The following PTPRR variants were observed in gnomAD, a reference collection of about 807,000 sequenced individuals.
PTPRR encodes the protein protein tyrosine phosphatase receptor type R, also known as receptor-type tyrosine-protein phosphatase R.
PTPRR carries 38 observed loss-of-function variants against 77.2 expected under a neutral mutation model. The ratio of observed to expected loss-of-function variants is 0.49; its 90% CI spans 0.38 to 0.65. PTPRR has a LOEUF of 0.65. Ranked by LOEUF, PTPRR falls within the 30% of genes least tolerant of loss-of-function variation. PTPRR has a pLI of 0.00. For missense variants in PTPRR, 744 were observed against 799.2 expected, an observed-to-expected ratio of 0.93 and a Z score of 0.83; for synonymous variants, 299 against 283.1, an observed-to-expected ratio of 1.06 and a Z score of -0.57.
intron 2 of PTPRR, among the ~76,000 whole-genome samples, chr12:70,838,214 T>C (rs1472233587): frequency 6.6e-6 from 1 of 152,144 alleles, no homozygotes; most frequent in Non-Finnish European, 1.5e-5. Context: ...TGACAATAAA[T>C]AATGTATTGA....
chr12:70,787,436 A>G (rs1891345796), intron 2 of PTPRR, among the ~76,000 whole-genome samples: 1 of 152,198 alleles, frequency 6.6e-6, no homozygotes, highest in Non-Finnish European at 1.5e-5. Context: ...AGGGCAAGGT[A>G]TTTTAGTGTA....
At chr12:70,837,658 C>T (rs1892327503) in intron 2 of PTPRR, among the ~76,000 whole-genome samples, 1 of 152,046 alleles carries the variant, frequency 6.6e-6, no homozygotes, top group Non-Finnish European at 1.5e-5. Context: ...GGTATGCCAC[C>T]CTCTAGAAAC....
chr12:70,718,931 C>T (rs1399322231), intron 6 of PTPRR, among the ~76,000 whole-genome samples: 1 of 152,150 alleles, frequency 6.6e-6, no homozygotes, highest in Non-Finnish European at 1.5e-5. Flanking sequence ...TCAATACGCA[C>T]ATTTTCCACC....
In PTPRR at chr12:70,676,650, A is replaced by G. The variant is rs555613342; in HGVS notation, c.1497+7477T>C. Among the ~76,000 whole-genome samples the G allele has an allele frequency of 3.3e-5, 5 of 152,206 alleles. No individual in the cohort carries two copies. The East Asian group carries it at 9.6e-4, about 29-fold the overall frequency. ...GCATGTATATATGGGTTAATGATCA[A>G]ATAAAGGCAATCAGTATATCCATCA... is the stretch of plus-strand genomic sequence containing the variant. On this transcript the variant is annotated intron_variant, in intron 10 of 13. Transcript: ENST00000283228.
intron 2 of PTPRR, among the ~76,000 whole-genome samples, chr12:70,876,583 A>G (rs1301079156): frequency 1.3e-5 from 2 of 152,216 alleles, no homozygotes; most frequent in Non-Finnish European, 2.9e-5. Flanking sequence ...AAATTTATGT[A>G]TGTATTTAAA....
In PTPRR at chr12:70,885,627, T is replaced by C. The variant is rs185497238; in HGVS notation, c.357+7052A>G. Among the ~76,000 whole-genome samples the C allele has an allele frequency of 4.3e-3, 654 of 150,996 alleles. 23 individuals are homozygous for C. Among genetic ancestry groups the C allele is most frequent in the Non-Finnish European group, 9.3e-4 (63 of 67,818 alleles). On this transcript the variant is annotated intron_variant, in intron 2 of 13. Coordinates refer to ENST00000283228, the MANE Select transcript of PTPRR (RefSeq NM_002849.4). ...TCAGCTCACTGCAAGCTCTGCCTCC[T>C]GGGTTCATGCCATTCTCCTGCCTCA...
intron 10 of PTPRR, among the ~76,000 whole-genome samples, chr12:70,670,459 T>C (rs759168090): frequency 2.1e-4 from 32 of 152,214 alleles, no homozygotes; most frequent in Admixed American, 1.4e-3. Flanking sequence ...ATTTATAATA[T>C]AGGAATAGTA....
intron 6 of PTPRR, among the ~76,000 whole-genome samples, chr12:70,708,844 ACG>A (rs1166420973): frequency 2.0e-5 from 3 of 151,230 alleles, no homozygotes; most frequent in African/African-American, 2.4e-5. Flanking sequence ...ACACACACAC[ACG>A]GCATTTTCTA....
intron 2 of PTPRR, among the ~76,000 whole-genome samples, chr12:70,864,145 C>G (rs17226654): frequency 0.21 from 32,058 of 152,112 alleles, 4,490 homozygotes; most frequent in Admixed American, 0.4. Context: ...CCAGTGACTG[C>G]ATTAGTTGTG....
At chr12:70,845,034 A>C (rs1892460386) in intron 2 of PTPRR, among the ~76,000 whole-genome samples, 1 of 152,218 alleles carries the variant, frequency 6.6e-6, no homozygotes, top group Non-Finnish European at 1.5e-5. Context: ...GAATCAAACA[A>C]AGTTTCCAAA....
chr12:70,796,452 G>A (rs1891515607), intron 2 of PTPRR, among the ~76,000 whole-genome samples: 1 of 151,986 alleles, frequency 6.6e-6, no homozygotes, highest in African/African-American at 2.4e-5. Flanking sequence ...ATAGATATGT[G>A]ATTTATAAAT....
chr12:70,700,137 AC>A (rs1472682012), intron 7 of PTPRR, among the ~76,000 whole-genome samples: 1 of 152,140 alleles, frequency 6.6e-6, no homozygotes, highest in Non-Finnish European at 1.5e-5. Context: ...TTTGTATTTT[AC>A]TTTGGACACT....
rs536125636 is a variant in PTPRR at position 70,837,042 on chromosome 12, A to G, written c.357+55637T>C. Among the ~76,000 whole-genome samples, 13 of 152,212 alleles carry G rather than the reference A, an allele frequency of 8.5e-5. 1 individual carries two copies. Among genetic ancestry groups the G allele is most frequent in the Admixed American group, 5.9e-4 (9 of 15,272 alleles). On this transcript the variant is annotated intron_variant, in intron 2 of 13. Coordinates refer to ENST00000283228, the MANE Select transcript of PTPRR (RefSeq NM_002849.4). ...AAGGTATATAAATGTATAAAGCATAATACTCCAAATAAGAAGTCTGTTAAG... is the reference window on the plus strand; with the variant it reads ...AAGGTATATAAATGTATAAAGCATAGTACTCCAAATAAGAAGTCTGTTAAG...
chr12:70,828,090 A>G (rs1892147145), intron 2 of PTPRR, among the ~76,000 whole-genome samples: 1 of 152,110 alleles, frequency 6.6e-6, no homozygotes, highest in South Asian at 2.1e-4. Context: ...TCACCTACCA[A>G]AGTCCCTACA....
chr12:70,889,732 C>G (rs71454300), intron 2 of PTPRR, among the ~76,000 whole-genome samples: 4 of 152,018 alleles, frequency 2.6e-5, no homozygotes, highest in African/African-American at 4.8e-5. Flanking sequence ...CTTCTCCCCC[C>G]GCTTCTTTTT....
intron 2 of PTPRR, 151 bp downstream of exon 2, chr12:70,892,528 A>G: frequency 1.0e-6 from 1 of 960,444 alleles, no homozygotes; most frequent in Non-Finnish European, 1.5e-6. Context: ...CAGTCAAGTA[A>G]GAAATTAGAA....
intron 12 of PTPRR, among the ~76,000 whole-genome samples, chr12:70,657,474 C>T (rs1250862705): frequency 6.6e-6 from 1 of 152,146 alleles, no homozygotes; most frequent in Non-Finnish European, 1.5e-5. Flanking sequence ...CTGCCTTAGA[C>T]GATATGTCCA....
At chr12:70,804,133 C>G (rs569123403) in intron 2 of PTPRR, among the ~76,000 whole-genome samples, 174 of 82,276 alleles carry the variant, frequency 2.1e-3, no homozygotes, top group Middle Eastern at 7.0e-3. Context: ...TCACCTGTTC[C>G]TGGCTCTGTG....
chr12:70,683,443 T>C (rs1887748345), intron 10 of PTPRR, among the ~76,000 whole-genome samples: 1 of 152,112 alleles, frequency 6.6e-6, no homozygotes, highest in African/African-American at 2.4e-5. Flanking sequence ...ATTCTGTCTT[T>C]CTTGGATTTC....
Sources: gnomAD v4.1 joint callset for allele counts (sites outside exome capture counted in the v4.1 genomes callset) on GRCh38, gnomAD v4.1.1 for gene constraint, MANE v1.5 for transcripts, NCBI Gene and HGNC (gene_info 2026-07-23, HGNC 2026-07-21) for gene names.